Variants in ARHGAP42 observed in about 807,000 individuals in gnomAD.
The protein encoded by ARHGAP42 is Rho GTPase activating protein 42.
A neutral mutation model predicts 125.0 loss-of-function variants in ARHGAP42; 63 were observed. That is an observed-to-expected ratio of 0.50 (90% CI 0.41 to 0.62). The LOEUF is 0.62. Among genes scored for constraint, ARHGAP42 ranks in the 20% least tolerant of loss-of-function variants. The pLI is 0.00. For synonymous variants in ARHGAP42, 339 were observed against 351.0 expected, an observed-to-expected ratio of 0.97 and a Z score of 0.38; for missense variants, 766 against 1,024.2, an observed-to-expected ratio of 0.75 and a Z score of 3.44.
At chr11:100,980,169 C>G (rs1858494968) in intron 22 of ARHGAP42, among the ~76,000 whole-genome samples, 1 of 152,122 alleles carries the variant, frequency 6.6e-6, no homozygotes, top group South Asian at 2.1e-4. Flanking sequence ...ATTTAAATAG[C>G]TGAGCCAAGA....
At chr11:100,793,677 TGTCTTTG>T (rs1331064229) in intron 2 of ARHGAP42, among the ~76,000 whole-genome samples, 1 of 152,208 alleles carries the variant, frequency 6.6e-6, no homozygotes, top group Non-Finnish European at 1.5e-5. Context: ...CTCACTTACT[TGTCTTTG>T]TTGTTGGCTT....
At chr11:100,940,071 G>A (rs897427602) in intron 8 of ARHGAP42, among the ~76,000 whole-genome samples, 17 of 152,024 alleles carry the variant, frequency 1.1e-4, no homozygotes. Flanking sequence ...AAGTATTATA[G>A]TGTGAAATGG....
chr11:100,810,208 A>T (rs558064344), intron 3 of ARHGAP42, among the ~76,000 whole-genome samples: 3 of 152,198 alleles, frequency 2.0e-5, no homozygotes, highest in Admixed American at 1.3e-4. Context: ...TTAAAAAAAA[A>T]TATAAAGATA....
intron 4 of ARHGAP42, among the ~76,000 whole-genome samples, chr11:100,882,516 C>A (rs561904011): frequency 6.8e-6 from 1 of 147,968 alleles, no homozygotes; most frequent in Non-Finnish European, 1.5e-5. Flanking sequence ...TTTTTTTTAA[C>A]AATTTTCGTA....
At position 100,989,244 on chromosome 11, in the gene ARHGAP42, T is replaced by A; in HGVS notation, c.*443T>A. 2.5e-6 allele frequency: 1 copy of A among 397,736 alleles called. No individual in the cohort carries two copies. The highest frequency in any genetic ancestry group is 4.4e-6 in the Non-Finnish European group (1 of 225,566). 24.6% of individuals were successfully genotyped at this position (397,736 alleles called of 1,614,324 possible). On this transcript the variant is annotated 3_prime_UTR_variant, in exon 24 of 24. Coordinates refer to ENST00000298815, the MANE Select transcript of ARHGAP42 (RefSeq NM_152432.4). Reference sequence around the variant, plus strand: ...TAATTTAAATTGTTCATTTATTGTTTTTTTTTTCTTAGAAATATACTGCTT... The same window carrying A: ...TAATTTAAATTGTTCATTTATTGTTATTTTTTTCTTAGAAATATACTGCTT...
At chr11:100,852,070 G>C (rs1362849866) in intron 3 of ARHGAP42, among the ~76,000 whole-genome samples, 2 of 152,106 alleles carry the variant, frequency 1.3e-5, no homozygotes, top group African/African-American at 4.8e-5. Flanking sequence ...GTATTAGTTA[G>C]ATCATTCTCT....
chr11:100,719,593 T>C (rs1028088801), intron 1 of ARHGAP42, among the ~76,000 whole-genome samples: 6 of 152,232 alleles, frequency 3.9e-5, no homozygotes, highest in Non-Finnish European at 8.8e-5. Context: ...ATCCAGGTTC[T>C]GGTATCTACT....
At chr11:100,939,873 G>A (rs1191030509) in intron 8 of ARHGAP42, among the ~76,000 whole-genome samples, 1 of 151,978 alleles carries the variant, frequency 6.6e-6, no homozygotes, top group East Asian at 1.9e-4. Context: ...AAGGGTCTTT[G>A]GTTTAAAATG....
chr11:100,884,676 T>A (rs1565258604), intron 4 of ARHGAP42, among the ~76,000 whole-genome samples: 1 of 152,124 alleles, frequency 6.6e-6, no homozygotes, highest in Non-Finnish European at 1.5e-5. Context: ...CCTGCCTCCG[T>A]GTCCCCCCAA....
chr11:100,916,707 A>G (rs954682424), intron 5 of ARHGAP42, among the ~76,000 whole-genome samples: 1 of 152,184 alleles, frequency 6.6e-6, no homozygotes, highest in Non-Finnish European at 1.5e-5. Flanking sequence ...GGTAGTTGAG[A>G]CGATTTCTCT....
At chr11:100,802,424 C>CTTTCT (rs1555001727) in intron 3 of ARHGAP42, among the ~76,000 whole-genome samples, 5 of 123,912 alleles carry the variant, frequency 4.0e-5, no homozygotes, top group Non-Finnish European at 8.3e-5. Flanking sequence ...TCCTTTCTTT[C>CTTTCT]TTTTTTTTTT....
intron 11 of ARHGAP42, 139 bp downstream of exon 11, chr11:100,948,674 C>G: frequency 3.3e-6 from 2 of 613,206 alleles, no homozygotes; most frequent in Non-Finnish European, 5.4e-6. Flanking sequence ...GGAGTAGAGA[C>G]TTTTATGGTT....
intron 2 of ARHGAP42, among the ~76,000 whole-genome samples, chr11:100,787,693 C>T (rs976173971): frequency 2.0e-5 from 3 of 152,000 alleles, no homozygotes; most frequent in Non-Finnish European, 2.9e-5. Flanking sequence ...AGAACCCAGG[C>T]GTGGAGGGAG....
intron 12 of ARHGAP42, among the ~76,000 whole-genome samples, chr11:100,952,553 G>A (rs755344214): frequency 7.2e-5 from 11 of 151,824 alleles, no homozygotes; most frequent in Non-Finnish European, 1.2e-4. Flanking sequence ...CACACACATG[G>A]GGATTCAAAT....
chr11:100,748,643 T>G (rs1037907197), intron 1 of ARHGAP42, among the ~76,000 whole-genome samples: 2 of 142,470 alleles, frequency 1.4e-5, no homozygotes, highest in Non-Finnish European at 3.2e-5. Flanking sequence ...TAAAATTTAT[T>G]TTTCTACTTT....
chr11:100,864,106 T>C (rs1283144417), intron 4 of ARHGAP42, among the ~76,000 whole-genome samples: 1 of 152,196 alleles, frequency 6.6e-6, no homozygotes, highest in Admixed American at 6.5e-5. Flanking sequence ...GAATCAATTT[T>C]AAGTCCTCTC....
chr11:100,717,974 T>C (rs1244377481), intron 1 of ARHGAP42, among the ~76,000 whole-genome samples: 1 of 148,892 alleles, frequency 6.7e-6, no homozygotes, highest in East Asian at 2.0e-4. Flanking sequence ...TAAAGGCAAA[T>C]GCTGTTTAAT....
intron 4 of ARHGAP42, among the ~76,000 whole-genome samples, chr11:100,893,917 T>A (rs1866281640): frequency 6.6e-6 from 1 of 151,652 alleles, no homozygotes; most frequent in East Asian, 2.0e-4. Context: ...CTGCAATGAG[T>A]TCATTATTAA....
At chr11:100,978,225 T>C (rs1858440683) in intron 21 of ARHGAP42, among the ~76,000 whole-genome samples, 1 of 152,184 alleles carries the variant, frequency 6.6e-6, no homozygotes, top group Non-Finnish European at 1.5e-5. Flanking sequence ...TTAAAGTGTG[T>C]GTTCTATATT....
Sources: gnomAD v4.1 joint callset for allele counts (sites outside exome capture counted in the v4.1 genomes callset) on GRCh38, gnomAD v4.1.1 for gene constraint, MANE v1.5 for transcripts, NCBI Gene and HGNC (gene_info 2026-07-23, HGNC 2026-07-21) for gene names.